The following TTC28 variants were observed in gnomAD, a reference collection of about 807,000 sequenced individuals.
TTC28 encodes tetratricopeptide repeat domain 28.
TTC28 carries 61 observed loss-of-function variants against 198.0 expected under a neutral mutation model. The ratio of observed to expected loss-of-function variants is 0.31; its 90% CI spans 0.25 to 0.38. TTC28 has a LOEUF of 0.38. Among genes scored for constraint, TTC28 ranks in the 10% least tolerant of loss-of-function variants. The pLI is 1.00. For missense variants in TTC28, 2,678 were observed against 3,164.0 expected (o/e 0.85, Z 3.69); for synonymous variants, 1,171 against 1,297.8 (o/e 0.90, Z 2.10).
At chr22:28,216,700 T>G (rs549934671) in intron 5 of TTC28, among the ~76,000 whole-genome samples, 1 of 152,260 alleles carries the variant, frequency 6.6e-6, no homozygotes, top group Admixed American at 6.5e-5. Context: ...ATGATGTTGA[T>G]GACAATAAAT....
At chr22:28,291,609 C>T (rs1257256322) in intron 5 of TTC28, among the ~76,000 whole-genome samples, 1 of 152,100 alleles carries the variant, frequency 6.6e-6, no homozygotes, top group Non-Finnish European at 1.5e-5. Flanking sequence ...TGCTGATAGG[C>T]CTGAAACAGA....
chr22:28,675,737 A>ACTCGCG (rs879334715), intron 1 of TTC28, among the ~76,000 whole-genome samples: 149 of 124,848 alleles, frequency 1.2e-3, no homozygotes, highest in African/African-American at 4.6e-3. Flanking sequence ...AAACCCTGTC[A>ACTCGCG]CACACACACA....
chr22:28,194,254 G>A (rs1214676074), intron 5 of TTC28, among the ~76,000 whole-genome samples: 3 of 152,002 alleles, frequency 2.0e-5, no homozygotes, highest in African/African-American at 7.2e-5. Flanking sequence ...GACACTACAT[G>A]CCAGAATCTC....
rs547558638 is a variant in TTC28 at position 28,262,459 on chromosome 22, C to T, written c.933+33739G>A. Among the ~76,000 whole-genome samples, 19 of 152,236 alleles carry T rather than the reference C, an allele frequency of 1.2e-4. No individual in the cohort carries two copies. In the South Asian group the frequency reaches 3.7e-3, roughly 30 times the overall value. On this transcript the variant is annotated intron_variant, in intron 5 of 22. Transcript: ENST00000397906. ...GTTACATCTTTTAAAGCAATATATT[C>T]ATCATCCAATTTGTTTCTTTGATCT... is the stretch of plus-strand genomic sequence containing the variant.
intron 5 of TTC28, among the ~76,000 whole-genome samples, chr22:28,173,978 T>C (rs1460938451): frequency 1.3e-5 from 2 of 152,216 alleles, no homozygotes; most frequent in Non-Finnish European, 2.9e-5. Context: ...GAAATGTACC[T>C]GCGGCTAGTA....
intron 2 of TTC28, among the ~76,000 whole-genome samples, chr22:28,623,131 A>G (rs1210521568): frequency 4.6e-5 from 7 of 151,794 alleles, no homozygotes; most frequent in African/African-American, 1.5e-4. Flanking sequence ...CCCAAAATAG[A>G]TATTTTTTAA....
intron 5 of TTC28, among the ~76,000 whole-genome samples, chr22:28,232,536 A>G (rs1182888146): frequency 6.6e-6 from 1 of 152,136 alleles, no homozygotes; most frequent in Non-Finnish European, 1.5e-5. Flanking sequence ...TATCCTCATA[A>G]TATGCTCCCT....
intron 2 of TTC28, among the ~76,000 whole-genome samples, chr22:28,618,369 A>G (rs1408260464): frequency 1.3e-5 from 2 of 151,756 alleles, no homozygotes; most frequent in Non-Finnish European, 2.9e-5. Flanking sequence ...ACACAAGTGC[A>G]AACCAAAAAT....
At chr22:28,544,651 C>A (rs926592900) in intron 2 of TTC28, among the ~76,000 whole-genome samples, 1 of 152,138 alleles carries the variant, frequency 6.6e-6, no homozygotes, top group Admixed American at 6.5e-5. Context: ...AAAGACCTTG[C>A]TGATAAAACA....
rs992539868 is a variant in TTC28, at chr22:28,393,263, C to T, written c.382-86620G>A. 3.9e-5 allele frequency among the ~76,000 whole-genome samples: 6 copies of T among 152,072 alleles called. No homozygotes were observed. In the East Asian group the frequency reaches 9.6e-4, roughly 24 times the overall value. ...TAGCCAGATCTAGCACTTTTACAGT[C>T]GATTCTTTTACAACACAAGCTTTCT... On this transcript the variant is annotated intron_variant, in intron 2 of 22. Transcript: ENST00000397906.
chr22:28,564,675 G>C (rs2146005122), intron 2 of TTC28, among the ~76,000 whole-genome samples: 1 of 151,520 alleles, frequency 6.6e-6, no homozygotes, highest in East Asian at 1.9e-4. Context: ...AAATATCTAG[G>C]TATACCTATC....
At position 28,356,179 on chromosome 22, in the gene TTC28, C is replaced by T. The variant is rs185220781; in HGVS notation, c.382-49536G>A. On this transcript the variant is annotated intron_variant, in intron 2 of 22. Transcript: ENST00000397906. Reference sequence around the variant, plus strand: ...GAAAGGAAAGGCAAACAACCCCTCTCCCTATCTTCTACTCCAGCTACTACT... The same window carrying T: ...GAAAGGAAAGGCAAACAACCCCTCTTCCTATCTTCTACTCCAGCTACTACT... Among the ~76,000 whole-genome samples, 3 of 152,316 alleles carry T rather than the reference C, an allele frequency of 2.0e-5. No individual in the cohort carries two copies. In the East Asian group the frequency reaches 5.8e-4, roughly 29 times the overall value.
chr22:28,254,190 T>C (rs1368490347), intron 5 of TTC28, among the ~76,000 whole-genome samples: 1 of 151,996 alleles, frequency 6.6e-6, no homozygotes, highest in African/African-American at 2.4e-5. Context: ...TTGGGGTACC[T>C]AAATGCATGT....
At chr22:28,298,328 T>C (rs1255958363) in intron 3 of TTC28, among the ~76,000 whole-genome samples, 1 of 152,204 alleles carries the variant, frequency 6.6e-6, no homozygotes, top group Non-Finnish European at 1.5e-5. Flanking sequence ...TTTTTAAATA[T>C]TTTTCCAGCT....
intron 2 of TTC28, among the ~76,000 whole-genome samples, chr22:28,506,322 C>A (rs1010268466): frequency 6.6e-6 from 1 of 151,818 alleles, no homozygotes; most frequent in African/African-American, 2.4e-5. Context: ...TAATTGCGAC[C>A]CTGACCCATT....
At chr22:28,614,900 T>C (rs916813136) in intron 2 of TTC28, among the ~76,000 whole-genome samples, 1 of 152,072 alleles carries the variant, frequency 6.6e-6, no homozygotes, top group Non-Finnish European at 1.5e-5. Context: ...ACTTCATGAT[T>C]TAAACACCAA....
chr22:28,326,889 G>GA (rs2045538749), intron 2 of TTC28, among the ~76,000 whole-genome samples: 1 of 151,844 alleles, frequency 6.6e-6, no homozygotes, highest in Non-Finnish European at 1.5e-5. Context: ...ACCTGTGGAA[G>GA]ATTGTTTTAA....
chr22:28,319,007 T>C (rs377278930), intron 2 of TTC28, among the ~76,000 whole-genome samples: 1 of 151,824 alleles, frequency 6.6e-6, no homozygotes, highest in Admixed American at 6.6e-5. Flanking sequence ...AAAAAATTTT[T>C]TGTAGAGAAA....
rs185531299 is a variant in TTC28 at position 28,534,127 on chromosome 22, T to C, written c.381+95425A>G. 4.6e-3 allele frequency among the ~76,000 whole-genome samples: 706 copies of C among 152,276 alleles called. 4 individuals carry two copies. Among genetic ancestry groups the C allele is most frequent in the Middle Eastern group, 0.024 (7 of 294 alleles). Reference sequence around the variant, plus strand: ...GTACCATCAGAGTAAACAGGCAACCTACAGAATGGGAGAAAATTTTTGCAA... The same window carrying C: ...GTACCATCAGAGTAAACAGGCAACCCACAGAATGGGAGAAAATTTTTGCAA... On this transcript the variant is annotated intron_variant, in intron 2 of 22. Transcript: ENST00000397906.
Sources: gnomAD v4.1 joint callset for allele counts (sites outside exome capture counted in the v4.1 genomes callset) on GRCh38, gnomAD v4.1.1 for gene constraint, MANE v1.5 for transcripts, NCBI Gene and HGNC (gene_info 2026-07-23, HGNC 2026-07-21) for gene names.